The following BBX variants were observed in gnomAD, a reference collection of about 807,000 sequenced individuals.
BBX encodes BBX high mobility group box domain containing, also known as HMG box transcription factor BBX.
In BBX, 30 loss-of-function variants were observed where a neutral mutation model predicts 100.2. That is an observed-to-expected ratio of 0.30 (90% CI 0.22 to 0.41). The LOEUF is 0.41. Ranked by LOEUF, BBX falls within the 10% of genes least tolerant of loss-of-function variation. The probability of loss-of-function intolerance (pLI) is 1.00; values close to 1 mark genes in which losing one functional copy is unlikely to be tolerated. For synonymous variants in BBX, 376 were observed against 388.1 expected (o/e 0.97, Z 0.37); for missense variants, 1,023 against 1,129.8 (o/e 0.91, Z 1.35).
At chr3:107,591,378 G>T (rs1043543604) in intron 2 of BBX, among the ~76,000 whole-genome samples, 2 of 152,200 alleles carry the variant, frequency 1.3e-5, no homozygotes, top group Non-Finnish European at 2.9e-5. Context: ...GAATTCAGGG[G>T]AGGAGTGTAA....
chr3:107,723,204 C>T (rs2062664788), intron 5 of BBX, among the ~76,000 whole-genome samples: 1 of 151,896 alleles, frequency 6.6e-6, no homozygotes, highest in African/African-American at 2.4e-5. Flanking sequence ...TCTCTTTCAC[C>T]CTATTGAAAA....
chr3:107,787,403 CATT>C (rs2068545892), intron 13 of BBX, among the ~76,000 whole-genome samples: 1 of 152,104 alleles, frequency 6.6e-6, no homozygotes, highest in African/African-American at 2.4e-5. Context: ...TCAAAAATCA[CATT>C]ATATGATACT....
intron 2 of BBX, among the ~76,000 whole-genome samples, chr3:107,624,394 T>G (rs1239451987): frequency 1.3e-5 from 2 of 152,168 alleles, no homozygotes; most frequent in African/African-American, 4.8e-5. Flanking sequence ...CCTTTTTGCT[T>G]TGGATTCTAT....
intron 9 of BBX, among the ~76,000 whole-genome samples, chr3:107,753,052 A>T (rs1020872559): frequency 6.6e-6 from 1 of 152,178 alleles, no homozygotes; most frequent in Non-Finnish European, 1.5e-5. Flanking sequence ...AAGACAAAAC[A>T]CTGAGGAAAA....
At chr3:107,750,790 C>G (rs1576629482) in intron 9 of BBX, among the ~76,000 whole-genome samples, 2 of 152,314 alleles carry the variant, frequency 1.3e-5, no homozygotes, top group Admixed American at 6.5e-5. Flanking sequence ...AGAATAGGCT[C>G]TAATTACTCA....
At chr3:107,628,000 T>C (rs1201495393) in intron 2 of BBX, among the ~76,000 whole-genome samples, 1 of 152,090 alleles carries the variant, frequency 6.6e-6, no homozygotes, top group Non-Finnish European at 1.5e-5. Context: ...ATCTAGAGTC[T>C]GATTACATCT....
At chr3:107,779,604 T>C (rs1034248073) in intron 13 of BBX, among the ~76,000 whole-genome samples, 1 of 152,148 alleles carries the variant, frequency 6.6e-6, no homozygotes, top group Admixed American at 6.6e-5. Context: ...TTGGATAATT[T>C]AATCAAATCA....
At chr3:107,574,297 G>A (rs1405870048) in intron 2 of BBX, among the ~76,000 whole-genome samples, 1 of 152,168 alleles carries the variant, frequency 6.6e-6, no homozygotes, top group East Asian at 1.9e-4. Context: ...ACACCTAATA[G>A]GGGGCTCCAA....
At chr3:107,763,512 GTTTAT>G (rs1325773621) in intron 10 of BBX, among the ~76,000 whole-genome samples, 2 of 152,088 alleles carry the variant, frequency 1.3e-5, no homozygotes, top group Non-Finnish European at 2.9e-5. Context: ...TGCAGCCAAG[GTTTAT>G]TTTATCTTTA....
At chr3:107,728,622 C>A in intron 5 of BBX, 143 bp from the exon 6 acceptor site, 1 of 681,842 alleles carries the variant, frequency 1.5e-6, no homozygotes. Flanking sequence ...CTGAGATTGT[C>A]ATTCTTCTAC....
rs2054728853 is a variant in BBX, at chr3:107,610,058, G to A, written c.-83-35778G>A. ...GCTTGCATCCCATAGGTTTTGGTATGTTTGTTTGTATATGTTTCCATTATC... is the reference window on the plus strand; with the variant it reads ...GCTTGCATCCCATAGGTTTTGGTATATTTGTTTGTATATGTTTCCATTATC... On this transcript the variant is annotated intron_variant, in intron 2 of 17. Transcript: ENST00000325805. Among the ~76,000 whole-genome samples, 4 of 151,904 alleles carry A rather than the reference G, an allele frequency of 2.6e-5. No homozygotes were observed. In the South Asian group the frequency reaches 8.3e-4, roughly 32 times the overall value.
chr3:107,584,080 T>C (rs1262957993), intron 2 of BBX, among the ~76,000 whole-genome samples: 1 of 25,040 alleles, frequency 4.0e-5, no homozygotes, highest in Admixed American at 7.1e-4. Context: ...TTATATATAT[T>C]ATATATATCA....
chr3:107,722,951 G>GA (rs898181412), intron 5 of BBX, among the ~76,000 whole-genome samples: 2 of 151,972 alleles, frequency 1.3e-5, no homozygotes, highest in African/African-American at 4.8e-5. Flanking sequence ...GATGGGAAGA[G>GA]AAACAGCTGT....
At chr3:107,605,112 C>T (rs1269701712) in intron 2 of BBX, among the ~76,000 whole-genome samples, 1 of 152,172 alleles carries the variant, frequency 6.6e-6, no homozygotes, top group Admixed American at 6.5e-5. Flanking sequence ...GACCTATTGG[C>T]ATAACACCTT....
At chr3:107,783,368 C>G (rs1455818301) in intron 13 of BBX, among the ~76,000 whole-genome samples, 1 of 151,612 alleles carries the variant, frequency 6.6e-6, no homozygotes, top group Non-Finnish European at 1.5e-5. Context: ...TACAAAACTA[C>G]TATGATTGTT....
At chr3:107,626,898 G>A (rs533451194) in intron 2 of BBX, among the ~76,000 whole-genome samples, 17 of 152,018 alleles carry the variant, frequency 1.1e-4, no homozygotes, top group Admixed American at 2.0e-4. Flanking sequence ...CAAGTGATCC[G>A]CCCGTCTTGG....
At chr3:107,592,382 AAG>A (rs2053392750) in intron 2 of BBX, among the ~76,000 whole-genome samples, 2 of 150,668 alleles carry the variant, frequency 1.3e-5, no homozygotes, top group African/African-American at 4.9e-5. Flanking sequence ...AAAAAAAAAA[AAG>A]GTGTATTAAG....
intron 2 of BBX, among the ~76,000 whole-genome samples, chr3:107,600,736 C>T (rs2054003752): frequency 6.6e-6 from 1 of 152,036 alleles, no homozygotes; most frequent in Admixed American, 6.6e-5. Context: ...AATGTTGGGC[C>T]TAACAAGTTA....
At chr3:107,707,655 G>T (rs1420506947) in intron 3 of BBX, among the ~76,000 whole-genome samples, 3 of 152,176 alleles carry the variant, frequency 2.0e-5, no homozygotes, top group Non-Finnish European at 4.4e-5. Context: ...TATCAGAAAA[G>T]ACATTTTCTC....
Sources: allele counts gnomAD v4.1 joint callset (sites outside exome capture counted in the v4.1 genomes callset), GRCh38; gene constraint gnomAD v4.1.1; transcripts MANE v1.5; gene names NCBI Gene and HGNC (gene_info 2026-07-23, HGNC 2026-07-21).